Variants in HIBADH observed in about 807,000 individuals in gnomAD.
HIBADH encodes the protein 3-hydroxyisobutyrate dehydrogenase, also known as 3-hydroxyisobutyrate dehydrogenase, mitochondrial.
HIBADH carries 25 observed loss-of-function variants against 36.1 expected under a neutral mutation model. That is an observed-to-expected ratio of 0.69 (90% CI 0.50 to 0.97). The LOEUF (loss-of-function observed/expected upper bound fraction) is 0.97, where lower values mean the gene tolerates loss of function less well. HIBADH is among the 50% of genes least tolerant of loss of function. HIBADH has a pLI of 0.00. For missense variants in HIBADH, 421 were observed against 418.0 expected (o/e 1.01, Z -0.06); for synonymous variants, 160 against 149.5 (o/e 1.07, Z -0.51).
chr7:27,639,352 C>T (rs56139857), intron 2 of HIBADH, among the ~76,000 whole-genome samples: 115,265 of 152,058 alleles, frequency 0.76, 44,120 homozygotes, highest in East Asian at 0.94. Context: ...AAACCAAATA[C>T]CACACATTCT....
At chr7:27,590,880 C>T (rs116286076) in intron 4 of HIBADH, among the ~76,000 whole-genome samples, 1 of 152,312 alleles carries the variant, frequency 6.6e-6, no homozygotes, top group African/African-American at 2.4e-5. Flanking sequence ...TATTTCCAGC[C>T]TTTCAGTGAG....
At chr7:27,577,891 G>C (rs905729722) in intron 4 of HIBADH, among the ~76,000 whole-genome samples, 10 of 152,142 alleles carry the variant, frequency 6.6e-5, no homozygotes, top group Non-Finnish European at 1.5e-4. Flanking sequence ...ATAGTAGCTG[G>C]ATAATGAGTT....
rs187874533 is a variant in HIBADH, at chr7:27,571,606, T to C, written c.485-28506A>G. Among the ~76,000 whole-genome samples, 77 of 152,314 alleles carry C rather than the reference T, an allele frequency of 5.1e-4. 1 individual carries two copies. The highest frequency in any genetic ancestry group is 1.5e-3 in the African/African-American group (62 of 41,564). ...CATCAGTATCTACAGTTCGTAGAGA[T>C]TGAATATTTTTGTTTCTGTTGGCTT... On this transcript the variant is annotated intron_variant, in intron 4 of 7. Coordinates refer to ENST00000265395, the MANE Select transcript of HIBADH (RefSeq NM_152740.4).
intron 1 of HIBADH, among the ~76,000 whole-genome samples, chr7:27,657,505 A>C (rs548935219): frequency 6.6e-6 from 1 of 152,276 alleles, no homozygotes; most frequent in South Asian, 2.1e-4. Context: ...AATCACTCCT[A>C]CTACTAAGAT....
intron 4 of HIBADH, among the ~76,000 whole-genome samples, chr7:27,577,285 T>C (rs1407906366): frequency 4.0e-5 from 6 of 151,206 alleles, no homozygotes; most frequent in African/African-American, 1.5e-4. Context: ...TACCTCATCC[T>C]CCCAGGTAGC....
At chr7:27,533,440 C>A (rs1278109180) in intron 6 of HIBADH, among the ~76,000 whole-genome samples, 1 of 152,080 alleles carries the variant, frequency 6.6e-6, no homozygotes, top group Non-Finnish European at 1.5e-5. Flanking sequence ...TGATTCCCTT[C>A]AGGAGATAGT....
At chr7:27,606,999 C>T (rs939889254) in intron 4 of HIBADH, among the ~76,000 whole-genome samples, 1 of 152,076 alleles carries the variant, frequency 6.6e-6, no homozygotes. Context: ...CTCAATATTG[C>T]GTAAGGTAAC....
intron 1 of HIBADH, among the ~76,000 whole-genome samples, chr7:27,654,316 G>C (rs987296005): frequency 6.6e-6 from 1 of 152,156 alleles, no homozygotes; most frequent in African/African-American, 2.4e-5. Flanking sequence ...CAGAAAATAT[G>C]TGTGAAGAAC....
intron 2 of HIBADH, among the ~76,000 whole-genome samples, chr7:27,639,579 C>G (rs747681467): frequency 6.6e-6 from 1 of 152,138 alleles, no homozygotes; most frequent in Non-Finnish European, 1.5e-5. Context: ...ACAATTACCT[C>G]CGAACCTAAA....
intron 1 of HIBADH, among the ~76,000 whole-genome samples, chr7:27,654,035 TGAAA>T (rs1305470919): frequency 9.2e-5 from 14 of 152,164 alleles, no homozygotes; most frequent in Admixed American, 2.0e-4. Context: ...GGTAGAATTA[TGAAA>T]GATATTTTTA....
intron 7 of HIBADH, 56 bp downstream of exon 7, chr7:27,531,136 G>A: frequency 1.3e-6 from 2 of 1,493,924 alleles, no homozygotes; most frequent in East Asian, 2.3e-5. Context: ...GAAGGAAGGT[G>A]TTATTGGACC....
At chr7:27,547,776 C>T (rs1336907677) in intron 4 of HIBADH, among the ~76,000 whole-genome samples, 1 of 152,014 alleles carries the variant, frequency 6.6e-6, no homozygotes, top group African/African-American at 2.4e-5. Flanking sequence ...TTTTCAAGTT[C>T]ATAATCATCC....
intron 4 of HIBADH, among the ~76,000 whole-genome samples, chr7:27,614,679 A>G (rs1172473298): frequency 1.3e-5 from 2 of 152,260 alleles, no homozygotes; most frequent in East Asian, 1.9e-4. Context: ...GCTTTCAACT[A>G]TAATTCTGTT....
At chr7:27,554,681 A>G (rs1466467885) in intron 4 of HIBADH, among the ~76,000 whole-genome samples, 1 of 152,160 alleles carries the variant, frequency 6.6e-6, no homozygotes, top group African/African-American at 2.4e-5. Flanking sequence ...CTGTCAGAGG[A>G]GAGAGGGAAG....
chr7:27,649,302 C>A, intron 2 of HIBADH, 171 bp downstream of exon 2: 1 of 510,132 alleles, frequency 2.0e-6, no homozygotes, highest in Non-Finnish European at 3.3e-6. Flanking sequence ...AACGAGAACT[C>A]TCCTTTACTG....
chr7:27,629,449 CAATAGTGCTGGAATCTATTAAT>C lies in HIBADH; in HGVS notation c.384_405del (p.Leu129IlefsTer28). 6.2e-7 allele frequency: 1 copy of C among 1,608,154 alleles called. No individual in the cohort carries two copies. The highest frequency in any genetic ancestry group is 2.2e-5 in the East Asian group (1 of 44,666). ...GCCAATTCTTTTGAAACTGCAGGATCAATAGTGCTGGAATCTATTAATAATGAGCCCTTCTTCACTTTTCTAA... is the reference window on the plus strand; with the variant it reads ...GCCAATTCTTTTGAAACTGCAGGATCAATGAGCCCTTCTTCACTTTTCTAA... On this transcript the variant is annotated frameshift_variant, in exon 4 of 8. Transcript: ENST00000265395. LOFTEE classifies it high-confidence loss of function.
intron 4 of HIBADH, among the ~76,000 whole-genome samples, chr7:27,624,344 A>C (rs925701041): frequency 3.3e-5 from 5 of 152,230 alleles, no homozygotes; most frequent in Non-Finnish European, 4.4e-5. Context: ...TGGCCTTCAT[A>C]TCAAAACCGC....
chr7:27,661,888 T>C (rs1364701501), intron 1 of HIBADH, among the ~76,000 whole-genome samples: 1 of 152,168 alleles, frequency 6.6e-6, no homozygotes, highest in Non-Finnish European at 1.5e-5. Flanking sequence ...GGGAATATCC[T>C]GATTCACTCA....
intron 4 of HIBADH, among the ~76,000 whole-genome samples, chr7:27,625,994 C>G (rs1170972306): frequency 6.8e-6 from 1 of 146,548 alleles, no homozygotes; most frequent in African/African-American, 2.5e-5. Context: ...CTCAGCTACT[C>G]GGGAGGCTGA....
Sources: allele counts gnomAD v4.1 joint callset (sites outside exome capture counted in the v4.1 genomes callset), GRCh38; gene constraint gnomAD v4.1.1; transcripts MANE v1.5; gene names NCBI Gene and HGNC (gene_info 2026-07-23, HGNC 2026-07-21).